GAD2: variants seen among roughly 807,000 people sequenced by gnomAD.
The protein encoded by GAD2 is 65 kDa glutamic acid decarboxylase.
Under a neutral mutation model 80.1 loss-of-function variants are expected in GAD2, and 22 were observed. The ratio of observed to expected loss-of-function variants is 0.27; its 90% CI spans 0.20 to 0.39. The LOEUF is 0.39. Among genes scored for constraint, GAD2 ranks in the 10% least tolerant of loss-of-function variants. The probability of loss-of-function intolerance (pLI) is 1.00; values close to 1 mark genes in which losing one functional copy is unlikely to be tolerated. For synonymous variants in GAD2, 274 were observed against 256.9 expected, an observed-to-expected ratio of 1.07 and a Z score of -0.64; for missense variants, 624 against 738.4, an observed-to-expected ratio of 0.85 and a Z score of 1.80.
intron 8 of GAD2, among the ~76,000 whole-genome samples, chr10:26,256,209 A>T (rs1185760372): frequency 6.6e-6 from 1 of 151,948 alleles, no homozygotes; most frequent in African/African-American, 2.4e-5. Flanking sequence ...TGAGTGTAAT[A>T]TTGTATGTAT....
chr10:26,245,228 G>A (rs1393290408), intron 7 of GAD2, among the ~76,000 whole-genome samples: 1 of 149,970 alleles, frequency 6.7e-6, no homozygotes, highest in African/African-American at 2.5e-5. Flanking sequence ...GGTTGGGGGT[G>A]TGGGGGGAGG....
At chr10:26,227,019 G>A (rs528295409) in intron 6 of GAD2, among the ~76,000 whole-genome samples, 15 of 152,228 alleles carry the variant, frequency 9.9e-5, no homozygotes, top group African/African-American at 3.6e-4. Flanking sequence ...TTGAGACAGA[G>A]TCTCACTCTG....
At chr10:26,264,312 C>CTTTTTT in intron 8 of GAD2, among the ~76,000 whole-genome samples, 1 of 129,776 alleles carries the variant, frequency 7.7e-6, no homozygotes, top group African/African-American at 2.9e-5. Flanking sequence ...AGATTTCAAG[C>CTTTTTT]TTTTTTTTTT....
intron 10 of GAD2, among the ~76,000 whole-genome samples, chr10:26,273,141 G>A (rs939099577): frequency 6.6e-6 from 1 of 152,190 alleles, no homozygotes; most frequent in Non-Finnish European, 1.5e-5. Flanking sequence ...AATCTTCCCT[G>A]CTTGTGAATT....
intron 8 of GAD2, among the ~76,000 whole-genome samples, chr10:26,261,745 T>C (rs1240783251): frequency 6.6e-6 from 1 of 152,186 alleles, no homozygotes; most frequent in Non-Finnish European, 1.5e-5. Context: ...AAGAATTCTT[T>C]TGTTTCTTCT....
At chr10:26,254,503 G>A (rs146571123) in intron 8 of GAD2, among the ~76,000 whole-genome samples, 15 of 152,276 alleles carry the variant, frequency 9.9e-5, no homozygotes, top group African/African-American at 3.6e-4. Flanking sequence ...TCCGTGGCCC[G>A]GGTAATGGGG....
At chr10:26,283,228 G>T (rs1474248667) in intron 12 of GAD2, among the ~76,000 whole-genome samples, 1 of 152,214 alleles carries the variant, frequency 6.6e-6, no homozygotes, top group African/African-American at 2.4e-5. Flanking sequence ...CGGACTGTTT[G>T]AGTAAAACAT....
intron 15 of GAD2, among the ~76,000 whole-genome samples, chr10:26,293,237 G>T (rs1323992490): frequency 6.8e-6 from 1 of 147,200 alleles, no homozygotes; most frequent in Non-Finnish European, 1.5e-5. Flanking sequence ...CAGTGCAGTG[G>T]CGTGATCTCA....
At chr10:26,219,331 AT>A (rs1335531820) in intron 4 of GAD2, 55 bp downstream of exon 4, 13 of 1,153,994 alleles carry the variant, frequency 1.1e-5, no homozygotes, top group South Asian at 4.7e-5. Flanking sequence ...TTTTTATTTT[AT>A]TTTTTTCTAT....
intron 10 of GAD2, among the ~76,000 whole-genome samples, chr10:26,273,368 A>G (rs1845159651): frequency 6.6e-6 from 1 of 152,162 alleles, no homozygotes; most frequent in African/African-American, 2.4e-5. Context: ...GGTGCTGGTG[A>G]TAGGTTTGGG....
chr10:26,263,648 C>T (rs4749101), intron 8 of GAD2, among the ~76,000 whole-genome samples: 59,985 of 152,124 alleles, frequency 0.39, 14,356 homozygotes, highest in African/African-American at 0.68. Context: ...CTCTCCTTGC[C>T]ATCTTGATAG....
chr10:26,223,954 G>A lies in GAD2; in HGVS notation c.588G>A (p.Leu196=). The A allele has an allele frequency of 6.2e-7, 1 of 1,611,066 alleles. No individual in the cohort carries two copies. The highest frequency in any genetic ancestry group is 8.5e-7 in the Non-Finnish European group (1 of 1,178,690). The part of the protein sequence containing the change: ...LDMVGLAADW[L]TSTANTNMFT... ...TGGTTGGATTAGCAGCAGACTGGCT[G>A]ACATCAACAGCAAATACTAACATGT... The change falls in exon 5 of 16, where the codon CTG becomes CTA. Residue 196 remains leucine (L), a synonymous_variant. Transcript: ENST00000376261.
At chr10:26,258,966 C>T (rs1037508357) in intron 8 of GAD2, among the ~76,000 whole-genome samples, 2 of 152,118 alleles carry the variant, frequency 1.3e-5, no homozygotes, top group South Asian at 2.1e-4. Context: ...TACAGGTGCA[C>T]GCCACCATGC....
In GAD2 at chr10:26,217,426, G is replaced by T. The variant is rs553511458; in HGVS notation, c.77-184G>T. Among the ~76,000 whole-genome samples, 1 of 152,260 alleles carries T rather than the reference G, an allele frequency of 6.6e-6. No homozygotes were observed. The highest frequency in any genetic ancestry group is 1.5e-5 in the Non-Finnish European group (1 of 67,994). On this transcript the variant is annotated intron_variant, in intron 1 of 15. Transcript: ENST00000376261. The surrounding 1 kb of genome is among the most constrained non-coding windows in gnomAD (Gnocchi z 4.9). The stretch of plus-strand genomic sequence containing the variant: ...GATAAAGGAAATGAGGGCTGGCCCG[G>T]GCCGCCAGCCTCCCGCTTGCCTTCT...
chr10:26,304,359 C>T lies in GAD2; in HGVS notation c.*3398C>T, dbSNP rs995235755. 1 of 152,574 alleles carries T rather than the reference C, an allele frequency of 6.6e-6. No homozygotes were observed. Among genetic ancestry groups the T allele is most frequent in the African/African-American group, 2.4e-5 (1 of 41,430 alleles). 9.5% of individuals were successfully genotyped at this position (152,574 alleles called of 1,614,324 possible). A position where few individuals can be genotyped will look rare whatever the true frequency, so the allele number is the denominator to read the frequency against. ...TTATTAGTTAGGTGTGCCAAACTAC[C>T]GTTCCCAAATTGGTGTTTCTGAATG... On this transcript the variant is annotated 3_prime_UTR_variant, in exon 16 of 16. Coordinates refer to ENST00000376261, the MANE Select transcript of GAD2 (RefSeq NM_001134366.2).
intron 12 of GAD2, among the ~76,000 whole-genome samples, chr10:26,284,864 C>T (rs1441500456): frequency 1.3e-5 from 2 of 152,118 alleles, no homozygotes; most frequent in Non-Finnish European, 2.9e-5. Flanking sequence ...CCACCGCACC[C>T]GGCCATCCAG....
At position 26,217,853 on chromosome 10, in the gene GAD2, G is replaced by C. The variant is rs374182148; in HGVS notation, c.148G>C (p.Gly50Arg). Reference sequence around the variant, plus strand: ...GTGTCCTTACCCAGCCCTGCTCTACGGAGACGCCGAGAAGCCGGCGGAGAG... The same window carrying C: ...GTGTCCTTACCCAGCCCTGCTCTACCGAGACGCCGAGAAGCCGGCGGAGAG... ...IGNKLCALLY[G>R]DAEKPAESGG... Residue 50 changes from glycine to arginine, a missense_variant, in exon 3 of 16, where the codon GGA becomes CGA. Gly to Arg is a moderately radical substitution (Grantham distance 125). Transcript: ENST00000376261. The surrounding 1 kb of genome is among the most constrained non-coding windows in gnomAD (Gnocchi z 4.9). 28 of 1,605,526 alleles carry C rather than the reference G, an allele frequency of 1.7e-5. No homozygotes were observed. The African/African-American group carries it at 3.1e-4, about 18-fold the overall frequency.
At chr10:26,268,069 C>T (rs1203294989) in intron 8 of GAD2, among the ~76,000 whole-genome samples, 3 of 152,208 alleles carry the variant, frequency 2.0e-5, no homozygotes, top group African/African-American at 7.2e-5. Flanking sequence ...ATAATCACCT[C>T]TACCATCAGT....
At chr10:26,241,058 A>T (rs1003080820) in intron 7 of GAD2, among the ~76,000 whole-genome samples, 24 of 152,230 alleles carry the variant, frequency 1.6e-4, no homozygotes, top group African/African-American at 5.1e-4. Context: ...GAAAAAAAAA[A>T]GAGAGAGTGA....
Sources: allele counts gnomAD v4.1 joint callset (sites outside exome capture counted in the v4.1 genomes callset), GRCh38; gene constraint gnomAD v4.1.1; non-coding constraint Gnocchi (gnomAD v3.1); transcripts MANE v1.5; gene names NCBI Gene and HGNC (gene_info 2026-07-23, HGNC 2026-07-21).